The following VTI1A variants were observed in gnomAD, a reference collection of about 807,000 sequenced individuals.
VTI1A encodes vesicle transport through interaction with t-SNAREs 1A, also known as vesicle transport through interaction with t-SNAREs homolog 1A.
A neutral mutation model predicts 34.9 loss-of-function variants in VTI1A; 22 were observed. The observed-to-expected ratio is 0.63, with a 90% CI of 0.45 to 0.90. The LOEUF is 0.90. Among genes scored for constraint, VTI1A ranks in the 40% least tolerant of loss-of-function variants. VTI1A has a pLI of 0.00. For missense variants in VTI1A, 268 were observed against 275.6 expected, an observed-to-expected ratio of 0.97 and a Z score of 0.20; for synonymous variants, 87 against 97.3, an observed-to-expected ratio of 0.89 and a Z score of 0.62.
At chr10:112,476,424 A>C (rs755650025) in intron 3 of VTI1A, among the ~76,000 whole-genome samples, 1 of 152,188 alleles carries the variant, frequency 6.6e-6, no homozygotes, top group African/African-American at 2.4e-5. Flanking sequence ...TTACTTGGAA[A>C]GAAAAGTAGC....
chr10:112,651,285 T>A (rs1486332275), intron 5 of VTI1A, among the ~76,000 whole-genome samples: 2 of 152,216 alleles, frequency 1.3e-5, no homozygotes, highest in Non-Finnish European at 2.9e-5. Context: ...AGAAAAATAT[T>A]GCCATCATCT....
chr10:112,568,327 T>G (rs939580960), intron 5 of VTI1A, among the ~76,000 whole-genome samples: 1 of 152,042 alleles, frequency 6.6e-6, no homozygotes, highest in Admixed American at 6.5e-5. Flanking sequence ...GCCAACATGA[T>G]GAAACCCCGT....
intron 7 of VTI1A, among the ~76,000 whole-genome samples, chr10:112,720,926 A>G (rs141081871): frequency 1.4e-3 from 218 of 152,284 alleles, no homozygotes; most frequent in African/African-American, 5.2e-3. Context: ...TAGAGAGAAT[A>G]TAGCACTTTG....
At chr10:112,778,119 A>G (rs1460217152) in intron 7 of VTI1A, among the ~76,000 whole-genome samples, 1 of 152,206 alleles carries the variant, frequency 6.6e-6, no homozygotes, top group Non-Finnish European at 1.5e-5. Flanking sequence ...AGGAAAAAAA[A>G]AAGTGTATTG....
intron 7 of VTI1A, among the ~76,000 whole-genome samples, chr10:112,809,343 C>T (rs1457078500): frequency 6.6e-6 from 1 of 152,236 alleles, no homozygotes; most frequent in Non-Finnish European, 1.5e-5. Flanking sequence ...ATTTAAAGAG[C>T]TTTCCCTTGG....
At chr10:112,611,278 A>G (rs1301926452) in intron 5 of VTI1A, among the ~76,000 whole-genome samples, 1 of 152,184 alleles carries the variant, frequency 6.6e-6, no homozygotes, top group African/African-American at 2.4e-5. Flanking sequence ...AAAATGTATT[A>G]TCTGTTGAGC....
chr10:112,826,714 C>T, the VTI1A span: 12 of 152,316 alleles, frequency 7.9e-5, no homozygotes, highest in African/African-American at 2.9e-4. Flanking sequence ...CCTGATTCCA[C>T]TTAGGTTTCC....
intron 5 of VTI1A, among the ~76,000 whole-genome samples, chr10:112,587,333 A>G (rs1245072457): frequency 6.6e-6 from 1 of 152,140 alleles, no homozygotes; most frequent in East Asian, 1.9e-4. Flanking sequence ...AAACTTCAGA[A>G]GTGTATATTG....
intron 7 of VTI1A, among the ~76,000 whole-genome samples, chr10:112,790,074 C>G (rs1177192120): frequency 6.6e-6 from 1 of 151,922 alleles, no homozygotes; most frequent in Non-Finnish European, 1.5e-5. Context: ...AATGTAGTCT[C>G]TAGAATCTGT....
chr10:112,572,538 T>C (rs1852165845), intron 5 of VTI1A, among the ~76,000 whole-genome samples: 1 of 152,036 alleles, frequency 6.6e-6, no homozygotes, highest in Non-Finnish European at 1.5e-5. Flanking sequence ...ACTTTGTCAA[T>C]AAAAAAATTG....
At chr10:112,681,272 G>C (rs1848207737) in intron 7 of VTI1A, among the ~76,000 whole-genome samples, 1 of 151,822 alleles carries the variant, frequency 6.6e-6, no homozygotes, top group Admixed American at 6.6e-5. Flanking sequence ...GTAGAGACAG[G>C]ATCTCCTTAT....
Position 112,497,262 on chromosome 10 carries a change from G to A in VTI1A, c.265-29825G>A, listed in dbSNP as rs1176564386. Among the ~76,000 whole-genome samples the A allele has an allele frequency of 3.3e-5, 5 of 151,976 alleles. No individual in the cohort carries two copies. In the East Asian group the frequency reaches 9.7e-4, roughly 30 times the overall value. ...GAACCCAGGAGGTGGAGGTTGCAGTGAGCTGAGATCGTGCTACTGCACTCC... is the reference window on the plus strand; with the variant it reads ...GAACCCAGGAGGTGGAGGTTGCAGTAAGCTGAGATCGTGCTACTGCACTCC... On this transcript the variant is annotated intron_variant, in intron 3 of 7. Coordinates refer to ENST00000393077, the MANE Select transcript of VTI1A (RefSeq NM_145206.4).
the VTI1A span, among the ~76,000 whole-genome samples, chr10:112,830,847 A>ATTTTTTTTTTTTTTTTTTT: frequency 5.2e-4 from 16 of 30,990 alleles, no homozygotes; most frequent in African/African-American, 2.3e-3. Context: ...ATATATATAT[A>ATTTTTTTTTTTTTTTTTTT]TATTTTTTTT....
chr10:112,462,078 G>A (rs1266093270), intron 2 of VTI1A, among the ~76,000 whole-genome samples: 1 of 152,202 alleles, frequency 6.6e-6, no homozygotes, highest in Non-Finnish European at 1.5e-5. Context: ...TTGAACTCCT[G>A]ACCGCAGGTG....
intron 7 of VTI1A, among the ~76,000 whole-genome samples, chr10:112,793,351 C>G (rs1261414882): frequency 1.3e-5 from 2 of 152,184 alleles, no homozygotes; most frequent in Non-Finnish European, 2.9e-5. Flanking sequence ...GTTGGCATTT[C>G]CTATCAGTGC....
chr10:112,694,551 C>A (rs77695763), intron 7 of VTI1A, among the ~76,000 whole-genome samples: 2,788 of 152,052 alleles, frequency 0.018, 87 homozygotes, highest in African/African-American at 0.064. Flanking sequence ...AAGCATGCCT[C>A]TGAATGGCAG....
At chr10:112,494,324 C>A (rs1366423533) in intron 3 of VTI1A, among the ~76,000 whole-genome samples, 2 of 151,978 alleles carry the variant, frequency 1.3e-5, no homozygotes, top group African/African-American at 4.8e-5. Context: ...ATTTTTGTGT[C>A]TTAAAAACAA....
At chr10:112,628,393 T>C (rs573322506) in intron 5 of VTI1A, among the ~76,000 whole-genome samples, 190 of 152,212 alleles carry the variant, frequency 1.2e-3, no homozygotes, top group Middle Eastern at 6.8e-3. Context: ...AAAAACAGAG[T>C]CACCTATACA....
At position 112,816,940 on chromosome 10, in the gene VTI1A, T is replaced by C. The variant is rs181297304; in HGVS notation, c.*1557T>C. On this transcript the variant is annotated 3_prime_UTR_variant, in exon 8 of 8. Transcript: ENST00000393077. The stretch of plus-strand genomic sequence containing the variant: ...ATGTGTTCGGATAAATCATTTAGTA[T>C]TGTGTAAATAAAGCTGCAGCCTTTA... 60 of 230,990 alleles carry C rather than the reference T, an allele frequency of 2.6e-4. No homozygotes were observed. Among genetic ancestry groups the C allele is most frequent in the African/African-American group, 1.3e-3 (57 of 45,324 alleles). The allele number at this position is 230,990 out of a possible 1,614,324, so 14.3% of individuals were successfully genotyped here.
Sources: gnomAD v4.1 joint callset for allele counts (sites outside exome capture counted in the v4.1 genomes callset) on GRCh38, gnomAD v4.1.1 for gene constraint, MANE v1.5 for transcripts, NCBI Gene and HGNC (gene_info 2026-07-23, HGNC 2026-07-21) for gene names.